ACBD5: variants seen among roughly 807,000 people sequenced by gnomAD.
ACBD5 encodes the protein acyl-CoA-binding domain-containing protein 5.
ACBD5 carries 40 observed loss-of-function variants against 71.8 expected under a neutral mutation model. That is an observed-to-expected ratio of 0.56 (90% CI 0.43 to 0.72). The LOEUF is 0.72. ACBD5 is among the 30% of genes least tolerant of loss of function. The probability of loss-of-function intolerance (pLI) is 0.00; values close to 1 mark genes in which losing one functional copy is unlikely to be tolerated. For synonymous variants in ACBD5, 229 were observed against 218.6 expected, an observed-to-expected ratio of 1.05 and a Z score of -0.42; for missense variants, 559 against 644.5, an observed-to-expected ratio of 0.87 and a Z score of 1.44.
intron 3 of ACBD5, among the ~76,000 whole-genome samples, chr10:27,234,536 T>G (rs1296787860): frequency 2.0e-5 from 3 of 150,472 alleles, no homozygotes; most frequent in Non-Finnish European, 4.4e-5. Context: ...AAGTAAAGAT[T>G]AACTGATAAT....
At chr10:27,241,183 T>C (rs551707771), upstream of ACBD5, among the ~76,000 whole-genome samples, 2 of 152,316 alleles carry the variant, frequency 1.3e-5, no homozygotes, top group Non-Finnish European at 2.9e-5. Flanking sequence ...GCCTGCACTC[T>C]CCTAAGTTAA....
At chr10:27,233,703 A>T (rs942257059) in intron 3 of ACBD5, among the ~76,000 whole-genome samples, 1 of 151,998 alleles carries the variant, frequency 6.6e-6, no homozygotes, top group African/African-American at 2.4e-5. Flanking sequence ...GAGTGATGGG[A>T]GTGAGACCCT....
intron 4 of ACBD5, among the ~76,000 whole-genome samples, chr10:27,225,228 C>G (rs570178770): frequency 4.3e-4 from 65 of 152,144 alleles, no homozygotes; most frequent in African/African-American, 1.5e-3. Context: ...AGTGATTTGC[C>G]CACCTCGGCC....
At chr10:27,204,687 T>C in intron 11 of ACBD5, 138 bp from the exon 12 acceptor site, 4 of 701,448 alleles carry the variant, frequency 5.7e-6, no homozygotes, top group South Asian at 3.2e-5. Context: ...AAGAAAGATA[T>C]TCTGCATTTC....
intron 12 of ACBD5, among the ~76,000 whole-genome samples, chr10:27,202,969 CTTTT>C (rs775633178): frequency 4.2e-5 from 3 of 70,766 alleles, no homozygotes; most frequent in African/African-American, 1.8e-4. Flanking sequence ...TCTATATCCT[CTTTT>C]TTTTTTTTTT....
chr10:27,184,509 T>C (rs916689903), intron 13 of ACBD5, among the ~76,000 whole-genome samples: 3 of 151,924 alleles, frequency 2.0e-5, no homozygotes, highest in Admixed American at 6.6e-5. Flanking sequence ...ATGCAACATA[T>C]TGGTCAGATT....
downstream of ACBD5, among the ~76,000 whole-genome samples, chr10:27,191,104 A>G (rs2059058612): frequency 6.6e-6 from 1 of 152,252 alleles, no homozygotes; most frequent in African/African-American, 2.4e-5. Context: ...AGGCACATCT[A>G]TATAATGGGC....
intron 13 of ACBD5, among the ~76,000 whole-genome samples, chr10:27,186,101 G>A (rs2058726868): frequency 6.6e-6 from 1 of 152,058 alleles, no homozygotes; most frequent in African/African-American, 2.4e-5. Flanking sequence ...AAAAAAAGCT[G>A]TGAGAAAGAT....
chr10:27,213,938 A>G (rs1261352476), intron 8 of ACBD5, among the ~76,000 whole-genome samples: 1 of 152,168 alleles, frequency 6.6e-6, no homozygotes, highest in Non-Finnish European at 1.5e-5. Flanking sequence ...GAACAGACGA[A>G]TGGATAAAGA....
chr10:27,198,400 C>T (rs940827664), intron 12 of ACBD5, among the ~76,000 whole-genome samples: 1 of 152,164 alleles, frequency 6.6e-6, no homozygotes, highest in Non-Finnish European at 1.5e-5. Flanking sequence ...ATCTACAAAC[C>T]CTCCCCAGCA....
intron 4 of ACBD5, among the ~76,000 whole-genome samples, chr10:27,225,043 T>TACC (rs2062833627): frequency 6.6e-6 from 1 of 150,408 alleles, no homozygotes; most frequent in Non-Finnish European, 1.5e-5. Context: ...AAAAAAAAGA[T>TACC]ACCAGAACTG....
intron 9 of ACBD5, among the ~76,000 whole-genome samples, chr10:27,210,347 A>G (rs887912466): frequency 5.3e-5 from 8 of 152,252 alleles, no homozygotes; most frequent in African/African-American, 1.9e-4. Context: ...AACCCCAAAG[A>G]GGGCACTGAG....
intron 5 of ACBD5, among the ~76,000 whole-genome samples, chr10:27,220,733 C>A (rs1038073714): frequency 6.6e-6 from 1 of 152,044 alleles, no homozygotes; most frequent in Non-Finnish European, 1.5e-5. Flanking sequence ...TCAAGATTAG[C>A]CAAAACAATC....
chr10:27,208,200 C>T, intron 10 of ACBD5, 46 bp downstream of exon 10: 6 of 1,582,848 alleles, frequency 3.8e-6, no homozygotes, highest in Non-Finnish European at 5.2e-6. Context: ...ACATTGCTTT[C>T]CAGAATCAAT....
chr10:27,210,809 C>T lies in ACBD5; in HGVS notation c.1204+5G>A. Reference sequence around the variant, plus strand: ...AGGTGAGGGAAGAAAAAAGGTAATCCACACCTCTTCCTCTTCTAACATTAG... The same window carrying T: ...AGGTGAGGGAAGAAAAAAGGTAATCTACACCTCTTCCTCTTCTAACATTAG... On this transcript the variant is annotated splice_donor_5th_base_variant and intron_variant, in intron 9 of 12. Transcript: ENST00000396271. 6.2e-7 allele frequency: 1 copy of T among 1,614,036 alleles called. No individual in the cohort carries two copies. Among genetic ancestry groups the T allele is most frequent in the Non-Finnish European group, 8.5e-7 (1 of 1,179,988 alleles).
At chr10:27,194,687 G>A (rs967978336), downstream of ACBD5, among the ~76,000 whole-genome samples, 1 of 150,446 alleles carries the variant, frequency 6.6e-6, no homozygotes, top group African/African-American at 2.4e-5. Context: ...GCTGTGGGAA[G>A]CTATTTATTT....
chr10:27,218,797 G>A (rs923654321), intron 6 of ACBD5, among the ~76,000 whole-genome samples: 1 of 151,966 alleles, frequency 6.6e-6, no homozygotes, highest in Non-Finnish European at 1.5e-5. Context: ...TGTTGGTCAG[G>A]CTGGTCTCGA....
chr10:27,196,161 T>G lies in ACBD5; in HGVS notation c.*1269A>C, dbSNP rs1266577330. ...GTTGCAGTGAGCCAAGATCACGCCA[T>G]TGCCCTCCAGCCTGGGCAACAAGAG... On this transcript the variant is annotated 3_prime_UTR_variant, in exon 13 of 13. Transcript: ENST00000396271. 2 of 453,446 alleles carry G rather than the reference T, an allele frequency of 4.4e-6. No individual in the cohort carries two copies. Among genetic ancestry groups the G allele is most frequent in the Admixed American group, 2.4e-5 (1 of 42,462 alleles). The allele number at this position is 453,446 out of a possible 1,614,324, so 28.1% of individuals were successfully genotyped here. A position where few individuals can be genotyped will look rare whatever the true frequency, so the allele number is the denominator to read the frequency against.
At chr10:27,235,306 A>G in intron 2 of ACBD5, 94 bp from the exon 3 acceptor site, 1 of 1,403,830 alleles carries the variant, frequency 7.1e-7, no homozygotes, top group Non-Finnish European at 1.0e-6. Flanking sequence ...GTGATTTTAT[A>G]TTGCATTAAT....
Sources: allele counts gnomAD v4.1 joint callset (sites outside exome capture counted in the v4.1 genomes callset), GRCh38; gene constraint gnomAD v4.1.1; transcripts MANE v1.5; gene names NCBI Gene and HGNC (gene_info 2026-07-23, HGNC 2026-07-21).